ATXN8OS: variants seen among roughly 807,000 people sequenced by gnomAD.
ATXN8OS encodes ATXN8 opposite strand (non-protein coding).
At chr13:70,132,730 C>A (rs566908655) in intron 3 of ATXN8OS, among the ~76,000 whole-genome samples, 2 of 152,296 alleles carry the variant, frequency 1.3e-5, no homozygotes, top group East Asian at 3.9e-4. Flanking sequence ...GAATTCTACA[C>A]ATTTATTGGC....
At chr13:70,130,864 C>G (rs2137483090) in intron 3 of ATXN8OS, 1 of 398,420 alleles carries the variant, frequency 2.5e-6, no homozygotes, top group Non-Finnish European at 4.4e-6. Context: ...GAGAAGGCAG[C>G]AAATCATACA....
upstream of ATXN8OS, chr13:70,107,692 C>A (rs758706872): frequency 3.3e-6 from 5 of 1,524,600 alleles, no homozygotes; most frequent in South Asian, 5.3e-5. Context: ...TCGCCCAGAG[C>A]CTGACATGCT....
exon 1 of ATXN8OS, chr13:70,107,860 C>T: frequency 6.8e-6 from 4 of 590,208 alleles, no homozygotes; most frequent in South Asian, 5.5e-5. Flanking sequence ...CTCTGCCAGG[C>T]GAAGGCTGGA....
chr13:70,170,731 C>T (rs368955896), exon 5 of ATXN8OS, among the ~76,000 whole-genome samples: 7 of 152,060 alleles, frequency 4.6e-5, no homozygotes, highest in Non-Finnish European at 5.9e-5. Context: ...AATACAGTCA[C>T]GCATCATTTA....
chr13:70,140,531 C>CA (rs745942489), intron 3 of ATXN8OS, among the ~76,000 whole-genome samples: 40 of 22,976 alleles, frequency 1.7e-3, no homozygotes, highest in Non-Finnish European at 2.8e-3. Flanking sequence ...CACACACACA[C>CA]ACAAAAAAAA....
intron 4 of ATXN8OS, among the ~76,000 whole-genome samples, chr13:70,149,590 T>C (rs1349610935): frequency 2.0e-5 from 3 of 152,126 alleles, no homozygotes; most frequent in African/African-American, 7.2e-5. Context: ...TAATATTGTG[T>C]CATAACTATA....
chr13:70,157,173 T>G (rs1888947951), intron 4 of ATXN8OS, among the ~76,000 whole-genome samples: 1 of 152,076 alleles, frequency 6.6e-6, no homozygotes, highest in Non-Finnish European at 1.5e-5. Context: ...ATTTAGAAAC[T>G]GGATCAGATA....
chr13:70,150,025 G>C (rs1888841910), intron 4 of ATXN8OS, among the ~76,000 whole-genome samples: 1 of 152,080 alleles, frequency 6.6e-6, no homozygotes, highest in South Asian at 2.1e-4. Context: ...AACCTTCTAT[G>C]GCTTCTGTAG....
chr13:70,139,375 CTACT>C (rs1888665808), intron 3 of ATXN8OS: 1 of 685,498 alleles, frequency 1.5e-6, no homozygotes, highest in Non-Finnish European at 2.4e-6. Context: ...ACTACTACTA[CTACT>C]ACTACTGCTG....
intron 2 of ATXN8OS, among the ~76,000 whole-genome samples, chr13:70,124,513 A>G (rs1053545330): frequency 6.6e-6 from 1 of 152,120 alleles, no homozygotes; most frequent in African/African-American, 2.4e-5. Context: ...AGCAGTTACC[A>G]ACAGGCATGA....
At chr13:70,142,768 C>G (rs1026966871) in intron 3 of ATXN8OS, among the ~76,000 whole-genome samples, 3 of 152,176 alleles carry the variant, frequency 2.0e-5, no homozygotes, top group Non-Finnish European at 4.4e-5. Flanking sequence ...ATAGATACTA[C>G]ACTGCAATGT....
At chr13:70,135,628 T>G (rs1213734936) in intron 3 of ATXN8OS, among the ~76,000 whole-genome samples, 3 of 147,078 alleles carry the variant, frequency 2.0e-5, no homozygotes, top group Non-Finnish European at 3.1e-5. Flanking sequence ...CATATTGAAC[T>G]TTTTTTCTTA....
intron 2 of ATXN8OS, among the ~76,000 whole-genome samples, chr13:70,117,697 T>C (rs570063058): frequency 6.6e-6 from 1 of 152,218 alleles, no homozygotes; most frequent in Non-Finnish European, 1.5e-5. Context: ...TTAATTTCTT[T>C]GAGTCTCAGC....
intron 3 of ATXN8OS, among the ~76,000 whole-genome samples, chr13:70,143,767 T>G (rs778088055): frequency 4.6e-5 from 7 of 152,198 alleles, no homozygotes; most frequent in Non-Finnish European, 1.0e-4. Flanking sequence ...CGTGTTTAAG[T>G]GCTTGATCTC....
chr13:70,157,125 AT>A, intron 4 of ATXN8OS, among the ~76,000 whole-genome samples: 1 of 151,986 alleles, frequency 6.6e-6, no homozygotes, highest in East Asian at 1.9e-4. Flanking sequence ...TTTCATACCG[AT>A]TTTTTGATTA....
chr13:70,157,366 A>G (rs1888950452), intron 4 of ATXN8OS, among the ~76,000 whole-genome samples: 1 of 152,086 alleles, frequency 6.6e-6, no homozygotes, highest in African/African-American at 2.4e-5. Context: ...CCATAAAAGG[A>G]GAAAATCCTG....
chr13:70,170,949 C>T (rs776748677), exon 5 of ATXN8OS, among the ~76,000 whole-genome samples: 6 of 151,838 alleles, frequency 4.0e-5, no homozygotes, highest in African/African-American at 1.2e-4. Flanking sequence ...TGTATCTAAA[C>T]GTATGTAAAC....
chr13:70,109,525 T>C lies in ATXN8OS; in HGVS notation n.240+1506T>C, dbSNP rs543023967. Among the ~76,000 whole-genome samples, 38 of 152,176 alleles carry C rather than the reference T, an allele frequency of 2.5e-4. 1 individual carries two copies. The highest frequency in any genetic ancestry group is 4.4e-4 in the Non-Finnish European group (30 of 68,010). On this transcript the variant is annotated intron_variant and non_coding_transcript_variant, in intron 1 of 4. Coordinates refer to ENST00000678624, the Ensembl canonical transcript of ATXN8OS. ...GAAACCAAAGCTAAATTTGGAGTCC[T>C]TAGGCAAAGTTGGACGCTTTAATAA...
exon 5 of ATXN8OS, among the ~76,000 whole-genome samples, chr13:70,171,306 A>G (rs1889141070): frequency 1.3e-5 from 2 of 152,178 alleles, no homozygotes; most frequent in Admixed American, 1.3e-4. Flanking sequence ...ACAGTTCATT[A>G]TGTACAGAGA....
Sources: allele counts gnomAD v4.1 joint callset (sites outside exome capture counted in the v4.1 genomes callset), GRCh38; gene constraint gnomAD v4.1.1; transcripts MANE v1.5; gene names NCBI Gene and HGNC (gene_info 2026-07-23, HGNC 2026-07-21).